Variants in HTR3B observed in about 807,000 individuals in gnomAD.
HTR3B encodes 5-hydroxytryptamine receptor 3B, also known as 5-hydroxytryptamine (serotonin) receptor 3B, ionotropic.
HTR3B carries 44 observed loss-of-function variants against 42.8 expected under a neutral mutation model. That is an observed-to-expected ratio of 1.03 (90% CI 0.81 to 1.32). The LOEUF is 1.32. HTR3B is among the 40% of genes most tolerant of loss of function. The pLI is 0.00. For missense variants in HTR3B, 527 were observed against 536.5 expected, an observed-to-expected ratio of 0.98 and a Z score of 0.17; for synonymous variants, 203 against 209.0, an observed-to-expected ratio of 0.97 and a Z score of 0.25.
intron 2 of HTR3B, among the ~76,000 whole-genome samples, chr11:113,929,278 G>A (rs962986085): frequency 1.3e-5 from 2 of 152,158 alleles, no homozygotes; most frequent in Non-Finnish European, 2.9e-5. Context: ...ATTAGTGATT[G>A]TATTAGGAAG....
rs1591581928 is a variant in HTR3B, at chr11:113,932,336, C to T, written c.416C>T (p.Ser139Leu). The T allele has an allele frequency of 5.0e-6, 8 of 1,613,424 alleles. No individual in the cohort carries two copies. Among genetic ancestry groups the T allele is most frequent in the Non-Finnish European group, 6.8e-6 (8 of 1,179,352 alleles). ...GACCTTCCCTATGTTTATGTGAACT[C>T]ATCTGGGACCATTGAGAACTATAAG... ...YPDLPYVYVN[S>L]SGTIENYKPI... Residue 139 changes from serine (S) to leucine (L), a missense_variant, in exon 5 of 9, where the codon TCA becomes TTA. Transcript: ENST00000260191.
intron 2 of HTR3B, among the ~76,000 whole-genome samples, chr11:113,924,252 G>A (rs140296788): frequency 6.6e-6 from 1 of 152,152 alleles, no homozygotes; most frequent in African/African-American, 2.4e-5. Flanking sequence ...TTGCAACCAA[G>A]CCTAGAATGG....
rs1470491172 is a variant in HTR3B, at chr11:113,946,723, T to C, written c.*586T>C. Among the ~76,000 whole-genome samples the C allele has an allele frequency of 2.6e-5, 4 of 152,218 alleles. No individual in the cohort carries two copies. In the East Asian group the frequency reaches 7.7e-4, roughly 29 times the overall value. On this transcript the variant is annotated 3_prime_UTR_variant, in exon 9 of 9. Transcript: ENST00000260191. ...ACCCAAAGCAACCACTGTTAGTAAT[T>C]TCTTCCAGAAGATTTCTAGGCACAC...
chr11:113,944,165 G>A (rs1274733148), intron 7 of HTR3B, among the ~76,000 whole-genome samples: 2 of 151,758 alleles, frequency 1.3e-5, no homozygotes, highest in East Asian at 2.0e-4. Flanking sequence ...GACTACAGGC[G>A]CCCGCCACCA....
intron 6 of HTR3B, among the ~76,000 whole-genome samples, chr11:113,940,243 C>T (rs938457292): frequency 6.6e-6 from 1 of 152,142 alleles, no homozygotes; most frequent in African/African-American, 2.4e-5. Flanking sequence ...GCTTCTTGTA[C>T]TTTGCTTATG....
chr11:113,920,220 G>T (rs1465995155), intron 2 of HTR3B, among the ~76,000 whole-genome samples: 1 of 151,620 alleles, frequency 6.6e-6, no homozygotes, highest in South Asian at 2.1e-4. Context: ...TAGAGACTGG[G>T]TTTCATCATG....
intron 2 of HTR3B, among the ~76,000 whole-genome samples, chr11:113,925,825 T>G (rs1265082101): frequency 6.6e-6 from 1 of 152,192 alleles, no homozygotes; most frequent in African/African-American, 2.4e-5. Context: ...TAAAAAACAA[T>G]TGCCCTTTTC....
intron 6 of HTR3B, among the ~76,000 whole-genome samples, chr11:113,938,618 A>G (rs1405024780): frequency 6.6e-6 from 1 of 152,230 alleles, no homozygotes; most frequent in African/African-American, 2.4e-5. Context: ...TTATTGAACA[A>G]AGGAATAAAG....
At chr11:113,924,652 A>G (rs531018619) in intron 2 of HTR3B, among the ~76,000 whole-genome samples, 17 of 138,850 alleles carry the variant, frequency 1.2e-4, no homozygotes, top group African/African-American at 3.4e-4. Context: ...AAAAAAGCCA[A>G]GAAGTGGTGA....
chr11:113,917,206 C>T (rs1316851363), intron 2 of HTR3B, among the ~76,000 whole-genome samples: 3 of 151,130 alleles, frequency 2.0e-5, no homozygotes, highest in Admixed American at 6.6e-5. Context: ...AATCTCAGCT[C>T]GCTGTAAACT....
chr11:113,909,239 C>T (rs1301762913), intron 1 of HTR3B, 56 bp from the exon 2 acceptor site: 2 of 1,438,120 alleles, frequency 1.4e-6, no homozygotes, highest in Admixed American at 3.4e-5. Context: ...CTGAAACCTC[C>T]TAAAGAAACC....
intron 2 of HTR3B, among the ~76,000 whole-genome samples, chr11:113,926,821 G>T (rs905896040): frequency 1.3e-5 from 2 of 152,158 alleles, no homozygotes; most frequent in African/African-American, 4.8e-5. Flanking sequence ...GAGCAACCGA[G>T]CCCAGCCCAG....
chr11:113,930,271 C>T (rs962326998), intron 2 of HTR3B, among the ~76,000 whole-genome samples: 1 of 152,012 alleles, frequency 6.6e-6, no homozygotes, highest in Non-Finnish European at 1.5e-5. Context: ...TTGCCTAATT[C>T]AAAGTCATGA....
intron 2 of HTR3B, among the ~76,000 whole-genome samples, chr11:113,917,657 C>T (rs957800468): frequency 3.3e-5 from 5 of 152,200 alleles, no homozygotes; most frequent in Admixed American, 1.3e-4. Context: ...GTCTCCCAGG[C>T]TGGAGTGCAG....
rs1162895123 is a variant in HTR3B, at chr11:113,947,559, G to A, written c.*1422G>A. ...TCTGAGCCCTGTCCTTGGCTTGCAG[G>A]TTGCTGACTTCTTGCTTTGTTTTCA... is the stretch of plus-strand genomic sequence containing the variant. On this transcript the variant is annotated 3_prime_UTR_variant, in exon 9 of 9. Transcript: ENST00000260191. Among the ~76,000 whole-genome samples the A allele has an allele frequency of 6.6e-6, 1 of 152,148 alleles. No homozygotes were observed. Among genetic ancestry groups the A allele is most frequent in the Non-Finnish European group, 1.5e-5 (1 of 68,024 alleles).
chr11:113,922,749 GT>G (rs1949929174), intron 2 of HTR3B, among the ~76,000 whole-genome samples: 2 of 151,804 alleles, frequency 1.3e-5, no homozygotes, highest in African/African-American at 4.8e-5. Flanking sequence ...TAGAGACGGG[GT>G]TTCACCATGT....
At chr11:113,931,646 TA>T in intron 3 of HTR3B, 111 bp from the exon 4 acceptor site, 1 of 740,648 alleles carries the variant, frequency 1.4e-6, no homozygotes, top group South Asian at 1.7e-5. Flanking sequence ...TCCTAACAGG[TA>T]GAACCAAGAG....
chr11:113,940,320 G>A (rs998652846), intron 6 of HTR3B, among the ~76,000 whole-genome samples: 1 of 152,150 alleles, frequency 6.6e-6, no homozygotes, highest in Non-Finnish European at 1.5e-5. Context: ...ACCCTCCAGA[G>A]TCAGCAGGGG....
chr11:113,929,253 T>G (rs1479612983), intron 2 of HTR3B, among the ~76,000 whole-genome samples: 2 of 152,214 alleles, frequency 1.3e-5, no homozygotes, highest in Admixed American at 1.3e-4. Flanking sequence ...TTTGATGATT[T>G]GCATTTCCCT....
Sources: gnomAD v4.1 joint callset for allele counts (sites outside exome capture counted in the v4.1 genomes callset) on GRCh38, gnomAD v4.1.1 for gene constraint, MANE v1.5 for transcripts, NCBI Gene and HGNC (gene_info 2026-07-23, HGNC 2026-07-21) for gene names.